Variants in PHACTR3 observed in about 807,000 individuals in gnomAD.
PHACTR3 encodes phosphatase and actin regulator 3, also known as protein phosphatase 1, regulatory subunit 123.
In PHACTR3, 16 loss-of-function variants were observed where a neutral mutation model predicts 66.8. That is an observed-to-expected ratio of 0.24 (90% CI 0.16 to 0.36). PHACTR3 has a LOEUF of 0.36. Ranked by LOEUF, PHACTR3 falls within the 10% of genes least tolerant of loss-of-function variation. The probability of loss-of-function intolerance (pLI) is 1.00; values close to 1 mark genes in which losing one functional copy is unlikely to be tolerated. For missense variants in PHACTR3, 647 were observed against 719.9 expected (o/e 0.90, Z 1.16); for synonymous variants, 323 against 292.1 (o/e 1.11, Z -1.08).
chr20:59,597,256 A>G (rs2033351687), intron 1 of PHACTR3, among the ~76,000 whole-genome samples: 2 of 152,264 alleles, frequency 1.3e-5, no homozygotes, highest in Admixed American at 1.3e-4. Flanking sequence ...TTATAAATCA[A>G]TGCATGTGAG....
intron 7 of PHACTR3, among the ~76,000 whole-genome samples, chr20:59,784,269 A>G (rs2040828813): frequency 6.6e-6 from 1 of 151,992 alleles, no homozygotes; most frequent in South Asian, 2.1e-4. Flanking sequence ...CCTTAAAATA[A>G]ATGTCTTAAA....
intron 7 of PHACTR3, among the ~76,000 whole-genome samples, chr20:59,789,229 T>G (rs990200571): frequency 4.6e-5 from 7 of 151,984 alleles, no homozygotes; most frequent in African/African-American, 1.5e-4. Context: ...AGAGTGGTGA[T>G]CTCACCGAGA....
intron 1 of PHACTR3, among the ~76,000 whole-genome samples, chr20:59,702,647 C>T (rs6027050): frequency 8.5e-5 from 13 of 152,346 alleles, no homozygotes; most frequent in African/African-American, 3.1e-4. Flanking sequence ...CTGGCTTATC[C>T]CTGGCTGTAT....
upstream of PHACTR3, among the ~76,000 whole-genome samples, chr20:59,600,027 G>T (rs2033428209): frequency 6.6e-6 from 1 of 152,182 alleles, no homozygotes. Context: ...ATGAGATGTT[G>T]CATGGTCTGG....
At chr20:59,752,472 C>T (rs963419494) in intron 3 of PHACTR3, among the ~76,000 whole-genome samples, 2 of 145,364 alleles carry the variant, frequency 1.4e-5, no homozygotes, top group South Asian at 2.2e-4. Flanking sequence ...TTCTTAGCAA[C>T]GGCCCTGCCA....
chr20:59,627,867 C>A (rs2034515032), intron 1 of PHACTR3, among the ~76,000 whole-genome samples: 1 of 152,046 alleles, frequency 6.6e-6, no homozygotes, highest in Non-Finnish European at 1.5e-5. Flanking sequence ...ATTTATGTAT[C>A]AATATATCTA....
intron 1 of PHACTR3, among the ~76,000 whole-genome samples, chr20:59,702,489 G>T (rs917434582): frequency 3.7e-4 from 56 of 152,208 alleles, no homozygotes; most frequent in African/African-American, 1.3e-3. Flanking sequence ...TGAAAGGGTT[G>T]CATGCTGCCA....
intron 1 of PHACTR3, among the ~76,000 whole-genome samples, chr20:59,658,216 C>A (rs6128656): frequency 0.036 from 5,465 of 151,902 alleles, 341 homozygotes; most frequent in East Asian, 0.3. Context: ...CCTTCTCTTT[C>A]CTCTTTAACA....
rs1292489266 is a variant in PHACTR3 at position 59,847,126 on chromosome 20, C to G, written c.1676C>G (p.Pro559Arg). Residue 559 changes from proline (P) to arginine (R), a missense_variant, in exon 13 of 13, where the codon CCA becomes CGA. Physicochemically the swap from Pro to Arg is moderately radical, Grantham distance 103. Around this residue, in one of 2 missense-constraint regions of PHACTR3, gnomAD observed 70 missense variants for 148.8 expected, o/e 0.47. Coordinates refer to ENST00000371015, the MANE Select transcript of PHACTR3 (RefSeq NM_080672.5). ...TTTATAATCTCTAGATTCCACAGGCCATAGAGATTTTCTTCTGAGAAGAAT... is the reference window on the plus strand; with the variant it reads ...TTTATAATCTCTAGATTCCACAGGCGATAGAGATTTTCTTCTGAGAAGAAT... ...SSKHLTRFHR[P>R] is the part of the protein sequence containing the mutation. 1 of 1,518,122 alleles carries G rather than the reference C, an allele frequency of 6.6e-7. No individual in the cohort carries two copies. The highest frequency in any genetic ancestry group is 9.1e-7 in the Non-Finnish European group (1 of 1,099,302). The allele number at this position is 1,518,122 out of a possible 1,614,324, so 94.0% of individuals were successfully genotyped here. A position where few individuals can be genotyped will look rare whatever the true frequency, so the allele number is the denominator to read the frequency against.
At chr20:59,798,936 G>T in intron 7 of PHACTR3, among the ~76,000 whole-genome samples, 1 of 151,236 alleles carries the variant, frequency 6.6e-6, no homozygotes, top group South Asian at 2.1e-4. Flanking sequence ...TTTTAATATT[G>T]GCATTTAATG....
chr20:59,632,625 C>T (rs151117163), intron 1 of PHACTR3, among the ~76,000 whole-genome samples: 117 of 152,298 alleles, frequency 7.7e-4, no homozygotes, highest in African/African-American at 2.0e-3. Context: ...GTGAAGCTGG[C>T]GCACCCCCGG....
chr20:59,582,188 T>C (rs2032882383), intron 1 of PHACTR3, among the ~76,000 whole-genome samples: 1 of 152,220 alleles, frequency 6.6e-6, no homozygotes, highest in Admixed American at 6.5e-5. Context: ...CCAAACTTTC[T>C]TGACATAAGC....
At chr20:59,780,682 T>C (rs951017190) in intron 7 of PHACTR3, among the ~76,000 whole-genome samples, 12 of 152,166 alleles carry the variant, frequency 7.9e-5, no homozygotes, top group African/African-American at 2.9e-4. Context: ...GGGAGGGCTG[T>C]CTGTGCAGCT....
chr20:59,635,149 T>TTCTTTTTCTTTCTTTCTTTCC (rs1555881160), intron 1 of PHACTR3, among the ~76,000 whole-genome samples: 4,015 of 59,906 alleles, frequency 0.067, 177 homozygotes, highest in East Asian at 0.083. Context: ...CTTTCTTTCT[T>TTCTTTTTCTTTCTTTCTTTCC]TTTCTTTCTT....
intron 1 of PHACTR3, among the ~76,000 whole-genome samples, chr20:59,733,476 G>A (rs1343034539): frequency 1.3e-5 from 2 of 152,154 alleles, no homozygotes; most frequent in African/African-American, 2.4e-5. Context: ...GCTTCCGTGT[G>A]AGGTTATTGT....
At chr20:59,720,983 G>A (rs931481905) in intron 1 of PHACTR3, among the ~76,000 whole-genome samples, 1 of 152,186 alleles carries the variant, frequency 6.6e-6, no homozygotes, top group Non-Finnish European at 1.5e-5. Context: ...GGTACACCAC[G>A]GTGCTTAGAA....
chr20:59,691,576 A>AGGC (rs2037107835), intron 1 of PHACTR3, among the ~76,000 whole-genome samples: 2 of 152,172 alleles, frequency 1.3e-5, no homozygotes, highest in African/African-American at 4.8e-5. Flanking sequence ...TGTTTTAATA[A>AGGC]CAGAAGTCCC....
intron 1 of PHACTR3, among the ~76,000 whole-genome samples, chr20:59,654,166 T>C (rs1447676107): frequency 1.3e-5 from 2 of 152,176 alleles, no homozygotes; most frequent in African/African-American, 4.8e-5. Context: ...CAAAAAATAA[T>C]TGGTCACCGT....
At position 59,756,676 on chromosome 20, in the gene PHACTR3, CT is replaced by C. The variant is rs143052000; in HGVS notation, c.541+1323del. Among the ~76,000 whole-genome samples, 803 of 146,834 alleles carry C rather than the reference CT, an allele frequency of 5.5e-3. 4 individuals carry two copies. Among genetic ancestry groups the C allele is most frequent in the Non-Finnish European group, 8.3e-3 (552 of 66,206 alleles). On this transcript the variant is annotated intron_variant, in intron 4 of 12. Transcript: ENST00000371015. ...ATCTGACTTTGGGGCTGGCGTGGTT[CT>C]TTTTTTTTTTAATACTTTAAGTTCT...
Sources: allele counts gnomAD v4.1 joint callset (sites outside exome capture counted in the v4.1 genomes callset), GRCh38; gene constraint gnomAD v4.1.1; regional missense constraint gnomAD v4.1.1; transcripts MANE v1.5; gene names NCBI Gene and HGNC (gene_info 2026-07-23, HGNC 2026-07-21).